The following TGFB2 variants were observed in gnomAD, a reference collection of about 807,000 sequenced individuals.
The protein encoded by TGFB2 is transforming growth factor beta-2 proprotein.
A neutral mutation model predicts 42.7 loss-of-function variants in TGFB2; 13 were observed. That is an observed-to-expected ratio of 0.30 (90% confidence interval 0.20 to 0.48). The LOEUF (loss-of-function observed/expected upper bound fraction) is 0.48, where lower values mean the gene tolerates loss of function less well. Ranked by LOEUF, TGFB2 falls within the 20% of genes least tolerant of loss-of-function variation. The pLI, the probability that TGFB2 is intolerant of heterozygous loss-of-function variation, is 0.99. For missense variants in TGFB2, 390 were observed against 517.5 expected (o/e 0.75, Z 2.39); for synonymous variants, 193 against 193.6 (o/e 1.00, Z 0.03).
intron 1 of TGFB2, among the ~76,000 whole-genome samples, chr1:218,360,478 G>A (rs7529920): frequency 0.017 from 2,637 of 152,204 alleles, 91 homozygotes; most frequent in African/African-American, 0.059. Context: ...TCACATGCAC[G>A]TAGTGAGGGG....
chr1:218,376,103 G>C (rs559214476), intron 1 of TGFB2, among the ~76,000 whole-genome samples: 1 of 152,272 alleles, frequency 6.6e-6, no homozygotes, highest in African/African-American at 2.4e-5. Context: ...GCACAACGTC[G>C]TACCCACAGT....
At position 218,437,267 on chromosome 1, in the gene TGFB2, GGGTGA is replaced by G. The variant is rs570390629; in HGVS notation, c.933-71_933-67del. On this transcript the variant is annotated intron_variant, in intron 5 of 6. Transcript: ENST00000366930. ...ATGAATGAATCATTTTTCTGGTTTGGGGTGAGGTGGTGGTAGAGTGAGGGTGGTGA... is the reference window on the plus strand; with the variant it reads ...ATGAATGAATCATTTTTCTGGTTTGGGGTGGTGGTAGAGTGAGGGTGGTGA... 1,218 of 1,374,170 alleles carry G rather than the reference GGGTGA, an allele frequency of 8.9e-4. 18 individuals carry two copies. In the African/African-American group the frequency reaches 0.016, roughly 19 times the overall value. The allele number at this position is 1,374,170 out of a possible 1,614,324, so 85.1% of individuals were successfully genotyped here.
At chr1:218,423,763 G>A (rs550351229) in intron 2 of TGFB2, among the ~76,000 whole-genome samples, 4 of 152,290 alleles carry the variant, frequency 2.6e-5, no homozygotes, top group African/African-American at 9.6e-5. Flanking sequence ...TTTTGACAAG[G>A]TAGGGAACAT....
At chr1:218,425,383 AT>A (rs1476330652) in intron 2 of TGFB2, among the ~76,000 whole-genome samples, 3 of 151,656 alleles carry the variant, frequency 2.0e-5, no homozygotes, top group Non-Finnish European at 4.4e-5. Flanking sequence ...AATTTTTTGT[AT>A]TTTTAGTAGA....
chr1:218,361,993 T>C (rs1477495556), intron 1 of TGFB2, among the ~76,000 whole-genome samples: 2 of 152,184 alleles, frequency 1.3e-5, no homozygotes, highest in African/African-American at 4.8e-5. Flanking sequence ...GAGCCCCATA[T>C]CTCAGTTAAA....
At chr1:218,350,928 T>G (rs1343297774) in intron 1 of TGFB2, among the ~76,000 whole-genome samples, 1 of 152,250 alleles carries the variant, frequency 6.6e-6, no homozygotes, top group Non-Finnish European at 1.5e-5. Flanking sequence ...AATAATCATC[T>G]TGATTTATTC....
chr1:218,413,363 G>A (rs11466398), intron 2 of TGFB2, among the ~76,000 whole-genome samples: 2,211 of 152,294 alleles, frequency 0.015, 39 homozygotes, highest in African/African-American at 0.049. Context: ...GTCACTGTTG[G>A]CGCTGGTAGA....
chr1:218,421,790 G>C (rs1659462901), intron 2 of TGFB2, among the ~76,000 whole-genome samples: 1 of 152,138 alleles, frequency 6.6e-6, no homozygotes, highest in African/African-American at 2.4e-5. Context: ...AGTATGACTG[G>C]TGTCCTTATA....
At chr1:218,371,260 T>G (rs1571844376) in intron 1 of TGFB2, among the ~76,000 whole-genome samples, 1 of 152,258 alleles carries the variant, frequency 6.6e-6, no homozygotes, top group Non-Finnish European at 1.5e-5. Context: ...GAGATCGCAC[T>G]ACTGCACTCC....
At chr1:218,393,998 C>T (rs369508688) in intron 1 of TGFB2, among the ~76,000 whole-genome samples, 1 of 152,002 alleles carries the variant, frequency 6.6e-6, no homozygotes, top group South Asian at 2.1e-4. Context: ...GCTCCACCTC[C>T]CGGGTTAACG....
At chr1:218,417,971 G>A (rs562937295) in intron 2 of TGFB2, among the ~76,000 whole-genome samples, 23 of 152,226 alleles carry the variant, frequency 1.5e-4, no homozygotes, top group Middle Eastern at 6.3e-3. Context: ...TTTGCTGTAG[G>A]GGCAGGGTCC....
At chr1:218,438,247 T>C (rs761553405) in intron 6 of TGFB2, among the ~76,000 whole-genome samples, 1 of 152,104 alleles carries the variant, frequency 6.6e-6, no homozygotes, top group African/African-American at 2.4e-5. Context: ...AATCAATATG[T>C]CACATAGTAT....
intron 1 of TGFB2, among the ~76,000 whole-genome samples, chr1:218,397,457 G>A (rs1290019697): frequency 2.6e-5 from 4 of 151,096 alleles, no homozygotes; most frequent in East Asian, 2.0e-4. Flanking sequence ...CCAGCTACTC[G>A]GGAGGCTGAG....
chr1:218,416,436 C>T (rs577772403), intron 2 of TGFB2, among the ~76,000 whole-genome samples: 38 of 152,214 alleles, frequency 2.5e-4, no homozygotes, highest in Non-Finnish European at 4.4e-4. Flanking sequence ...CGTTCTAGAA[C>T]TGTGGCAGAG....
chr1:218,367,545 C>G (rs1029396762), intron 1 of TGFB2, among the ~76,000 whole-genome samples: 2 of 152,150 alleles, frequency 1.3e-5, no homozygotes, highest in Admixed American at 1.3e-4. Context: ...TATGGATATT[C>G]TATAACTACC....
chr1:218,406,469 A>C (rs1288658683), intron 2 of TGFB2, among the ~76,000 whole-genome samples: 1 of 152,196 alleles, frequency 6.6e-6, no homozygotes, highest in Non-Finnish European at 1.5e-5. Flanking sequence ...CAGAATCCCC[A>C]TTTTAACAAG....
chr1:218,381,536 G>T (rs1034208114), intron 1 of TGFB2, among the ~76,000 whole-genome samples: 1 of 152,186 alleles, frequency 6.6e-6, no homozygotes, highest in African/African-American at 2.4e-5. Flanking sequence ...GTACAGGTGT[G>T]AGCCACAGCG....
chr1:218,418,540 G>A (rs928800735), intron 2 of TGFB2, among the ~76,000 whole-genome samples: 2 of 152,170 alleles, frequency 1.3e-5, no homozygotes, highest in African/African-American at 4.8e-5. Flanking sequence ...GCTGAAATGA[G>A]TTAAGACTTT....
chr1:218,415,810 A>G (rs1659260413), intron 2 of TGFB2, among the ~76,000 whole-genome samples: 1 of 151,962 alleles, frequency 6.6e-6, no homozygotes, highest in African/African-American at 2.4e-5. Flanking sequence ...TTTCATCTGA[A>G]ACTGGAGATA....
Sources: gnomAD v4.1 joint callset for allele counts (sites outside exome capture counted in the v4.1 genomes callset) on GRCh38, gnomAD v4.1.1 for gene constraint, MANE v1.5 for transcripts, NCBI Gene and HGNC (gene_info 2026-07-23, HGNC 2026-07-21) for gene names.